The following PFKL variants were observed in gnomAD, a reference collection of about 807,000 sequenced individuals.
PFKL encodes the protein phosphofructokinase, liver type.
A neutral mutation model predicts 92.1 loss-of-function variants in PFKL; 74 were observed. The ratio of observed to expected loss-of-function variants is 0.80; its 90% CI spans 0.67 to 0.97. PFKL has a LOEUF of 0.97. PFKL is among the 50% of genes least tolerant of loss of function. PFKL has a pLI of 0.00. For missense variants in PFKL, 1,028 were observed against 1,116.6 expected (o/e 0.92, Z 1.13); for synonymous variants, 494 against 456.4 (o/e 1.08, Z -1.05).
At chr21:44,324,365 G>A in intron 16 of PFKL, 126 bp from the exon 17 acceptor site, 1 of 936,478 alleles carries the variant, frequency 1.1e-6, no homozygotes, top group Non-Finnish European at 1.6e-6. Context: ...GGTGCTGCTG[G>A]CTGTCTGGGT....
chr21:44,312,130 G>C lies in PFKL; in HGVS notation c.263G>C (p.Arg88Pro). 6.4e-7 allele frequency: 1 copy of C among 1,568,366 alleles called. No individual in the cohort carries two copies. Among genetic ancestry groups the C allele is most frequent in the Non-Finnish European group, 8.6e-7 (1 of 1,157,806 alleles). ...QLGGTIIGSA[R>P]CKAFTTREGR... is the part of the protein sequence containing the mutation. The stretch of plus-strand genomic sequence containing the variant: ...GGCGGCACTATCATTGGCAGCGCTC[G>C]CTGCAAGGCCTTTACCACCAGGGAG... Residue 88 changes from arginine to proline, a missense_variant, in exon 4 of 22, where the codon CGC (arginine) becomes CCC (proline). Arg to Pro is a moderately radical substitution (Grantham distance 103). Coordinates refer to ENST00000349048, the MANE Select transcript of PFKL (RefSeq NM_002626.6).
At position 44,313,949 on chromosome 21, in the gene PFKL, C is replaced by A; in HGVS notation, c.675C>A (p.Ala225=). The A allele has an allele frequency of 6.2e-7, 1 of 1,606,080 alleles. No individual in the cohort carries two copies. Among genetic ancestry groups the A allele is most frequent in the Non-Finnish European group, 8.5e-7 (1 of 1,177,812 alleles). ...LALVSALASG[A]DWLFIPEAPP... ...TGGTATCTGCACTGGCCTCAGGGGC[C>A]GACTGGCTGTTCATCCCCGAGGCTC... is the stretch of plus-strand genomic sequence containing the variant. The change falls in exon 7 of 22, where the codon GCC becomes GCA. Residue 225 remains alanine, a synonymous_variant. Transcript: ENST00000349048.
chr21:44,324,448 G>T lies in PFKL; in HGVS notation c.1651-43G>T, dbSNP rs1265363691. 2.5e-6 allele frequency: 4 copies of T among 1,605,170 alleles called. No individual in the cohort carries two copies. The Middle Eastern group carries it at 6.6e-4, about 266-fold the overall frequency. The stretch of plus-strand genomic sequence containing the variant: ...AGCCATGCCGACGGCCTACAGGGAA[G>T]GGTGGGCACGTGGAGGACCCCCGAC... On this transcript the variant is annotated intron_variant, in intron 16 of 21. Transcript: ENST00000349048.
At chr21:44,310,973 C>G (rs375719763) in intron 2 of PFKL, 33 bp from the exon 3 acceptor site, 1 of 1,572,966 alleles carries the variant, frequency 6.4e-7, no homozygotes, top group South Asian at 1.1e-5. Context: ...CATGGGGTCC[C>G]CTATCTCATG....
At chr21:44,318,760 C>T (rs560448826) in intron 10 of PFKL, among the ~76,000 whole-genome samples, 165 bp downstream of exon 10, 1 of 151,940 alleles carries the variant, frequency 6.6e-6, no homozygotes, top group Non-Finnish European at 1.5e-5. Context: ...GGGATGTGAG[C>T]ACATCCCTGG....
Position 44,316,443 on chromosome 21 carries a change from G to A in PFKL, c.855G>A (p.Gln285=). 6.2e-7 allele frequency: 1 copy of A among 1,612,034 alleles called. No homozygotes were observed. Among genetic ancestry groups the A allele is most frequent in the Non-Finnish European group, 8.5e-7 (1 of 1,178,988 alleles). The change falls in exon 9 of 22, where the codon CAG becomes CAA. Residue 285 remains glutamine, a synonymous_variant. Coordinates refer to ENST00000349048, the MANE Select transcript of PFKL (RefSeq NM_002626.6). ...CCACTGTCCTGCAGCTGGTGGTTCA[G>A]AGGCTGGGCTTCGACACCCGTGTAA... ...SSSYVKDLVV[Q]RLGFDTRVTV... is the part of the protein sequence containing the mutation.
At position 44,320,105 on chromosome 21, in the gene PFKL, C is replaced by A. The variant is rs775754283; in HGVS notation, c.1149C>A (p.Asn383Lys). The A allele has an allele frequency of 1.9e-6, 3 of 1,613,508 alleles. No individual in the cohort carries two copies. Among genetic ancestry groups the A allele is most frequent in the Non-Finnish European group, 2.5e-6 (3 of 1,179,836 alleles). ...CCAGGAGCTTCGAGAACAACTGGAA[C>A]ATTTACAAGCTCCTCGCCCACCAGA... ...LRGGSFENNW[N>K]IYKLLAHQKP... Residue 383 changes from asparagine to lysine, a missense_variant, in exon 12 of 22, where the codon AAC becomes AAA. Asn to Lys is a moderately conservative substitution (Grantham distance 94). Transcript: ENST00000349048.
In PFKL at chr21:44,315,262, C is replaced by T. The variant is rs146563789; in HGVS notation, c.748-982C>T. 4.6e-3 allele frequency: 698 copies of T among 152,388 alleles called. 5 individuals carry two copies. The highest frequency in any genetic ancestry group is 8.2e-3 in the Non-Finnish European group (558 of 68,070). 9.4% of individuals were successfully genotyped at this position (152,388 alleles called of 1,614,324 possible). ...CCTGGAAGTGGCCTGGATGCAAGGT[C>T]GGCCCACCTGGTTCCTTCCTGCTCT... On this transcript the variant is annotated intron_variant, in intron 7 of 21. Coordinates refer to ENST00000349048, the MANE Select transcript of PFKL (RefSeq NM_002626.6).
At position 44,300,192 on chromosome 21, in the gene PFKL, T is replaced by C. The variant is rs2040726166; in HGVS notation, c.85+2T>C. 9.0e-7 allele frequency: 1 copy of C among 1,105,214 alleles called. No homozygotes were observed. The allele number at this position is 1,105,214 out of a possible 1,614,324, so 68.5% of individuals were successfully genotyped here. Reference sequence around the variant, plus strand: ...TGACCAGCGGCGGCGACGCGCAAGGTGGGCGGGGGTCCCGGCCGCGTCGCG... The same window carrying C: ...TGACCAGCGGCGGCGACGCGCAAGGCGGGCGGGGGTCCCGGCCGCGTCGCG... On this transcript the variant is annotated splice_donor_variant, in intron 1 of 21. Coordinates refer to ENST00000349048, the MANE Select transcript of PFKL (RefSeq NM_002626.6). LOFTEE classifies it high-confidence loss of function.
At chr21:44,324,990 C>T (rs1056001015) in intron 18 of PFKL, 73 bp downstream of exon 18, 15 of 1,439,106 alleles carry the variant, frequency 1.0e-5, no homozygotes, top group African/African-American at 2.8e-5. Flanking sequence ...TGCTGAGGAG[C>T]GGCTGGGCAG....
chr21:44,325,083 A>G, intron 18 of PFKL, 70 bp from the exon 19 acceptor site: 1 of 1,262,068 alleles, frequency 7.9e-7, no homozygotes, highest in Non-Finnish European at 1.1e-6. Context: ...GGCCTGGCCC[A>G]GCGGGGACTC....
intron 4 of PFKL, 98 bp from the exon 5 acceptor site, chr21:44,312,880 C>T: frequency 7.4e-7 from 1 of 1,353,962 alleles, no homozygotes; most frequent in Non-Finnish European, 1.0e-6. Context: ...GGGCTGCACG[C>T]CTGGGATGCG....
rs746147211 is a variant in PFKL, at chr21:44,306,766, G to A, written c.159+12G>A. On this transcript the variant is annotated intron_variant, in intron 2 of 21. Transcript: ENST00000349048. ...TCCTCATCTACGAGGTAAGGCCAAG[G>A]TGGGCTGTGTGTGTGCAGGGAGTGG... 27 of 1,612,232 alleles carry A rather than the reference G, an allele frequency of 1.7e-5. No individual in the cohort carries two copies.
In PFKL at chr21:44,326,141, A is replaced by G. The variant is rs768330676; in HGVS notation, c.2090-18A>G. ...CAGGGCCTCACCATGGAGGGCTGCC[A>G]CGTGCCTCTGTTTGCAGGACGGGTG... On this transcript the variant is annotated intron_variant, in intron 20 of 21. Coordinates refer to ENST00000349048, the MANE Select transcript of PFKL (RefSeq NM_002626.6). The G allele has an allele frequency of 5.6e-6, 9 of 1,610,764 alleles. No individual in the cohort carries two copies. The highest frequency in any genetic ancestry group is 6.8e-6 in the Non-Finnish European group (8 of 1,178,356).
intron 1 of PFKL, among the ~76,000 whole-genome samples, chr21:44,302,794 GTTCC>G (rs1331919824): frequency 1.3e-5 from 2 of 152,202 alleles, no homozygotes; most frequent in Non-Finnish European, 2.9e-5. Flanking sequence ...CACCTTGCAA[GTTCC>G]TTCCAGCCAG....
At chr21:44,306,616 T>TG (rs111498206) in intron 1 of PFKL, 65 bp from the exon 2 acceptor site, 172,040 of 1,392,036 alleles carry the variant, frequency 0.12, 13,746 homozygotes, top group East Asian at 0.35. Flanking sequence ...TCCTCTGAGA[T>TG]GGGGAGGGTG....
At chr21:44,303,441 A>AAAAAAAAAGACTGGATCG (rs1555874961) in intron 1 of PFKL, among the ~76,000 whole-genome samples, 1 of 97,096 alleles carries the variant, frequency 1.0e-5, no homozygotes, top group African/African-American at 5.3e-5. Flanking sequence ...ACCAAAAAAA[A>AAAAAAAAAGACTGGATCG]AAAAAAAAAA....
At chr21:44,313,366 G>C (rs942085546) in intron 5 of PFKL, among the ~76,000 whole-genome samples, 1 of 152,236 alleles carries the variant, frequency 6.6e-6, no homozygotes, top group Admixed American at 6.5e-5. Flanking sequence ...AGGGGCAGCT[G>C]CTTGCCCTGG....
Position 44,318,584 on chromosome 21 carries a change from T to C in PFKL, c.1051T>C (p.Cys351Arg). 6.6e-7 allele frequency: 1 copy of C among 1,515,342 alleles called. No individual in the cohort carries two copies. Among genetic ancestry groups the C allele is most frequent in the Non-Finnish European group, 8.9e-7 (1 of 1,120,546 alleles). The allele number at this position is 1,515,342 out of a possible 1,614,324, so 93.9% of individuals were successfully genotyped here. A position where few individuals can be genotyped will look rare whatever the true frequency, so the allele number is the denominator to read the frequency against. The change falls in exon 10 of 22, where the codon TGC (cysteine) becomes CGC (arginine). Residue 351 changes from cysteine (C) to arginine (R), a missense_variant. Transcript: ENST00000349048. ...NQSVRLPLMECVQMTKEVQKA... is the reference protein window; with the variant it reads ...NQSVRLPLMERVQMTKEVQKA... Reference sequence around the variant, plus strand: ...GTCAGTGCGGCTGCCCCTCATGGAGTGCGTGCAGATGGTAAGCCCTGGGCC... The same window carrying C: ...GTCAGTGCGGCTGCCCCTCATGGAGCGCGTGCAGATGGTAAGCCCTGGGCC...
Sources: gnomAD v4.1 joint callset for allele counts (sites outside exome capture counted in the v4.1 genomes callset) on GRCh38, gnomAD v4.1.1 for gene constraint, MANE v1.5 for transcripts, NCBI Gene and HGNC (gene_info 2026-07-23, HGNC 2026-07-21) for gene names.